Variants in ZMYM3 observed in about 807,000 individuals in gnomAD.
The protein encoded by ZMYM3 is zinc finger MYM-type containing 3.
In ZMYM3, 6 loss-of-function variants were observed where a neutral mutation model predicts 94.2. The ratio of observed to expected loss-of-function variants is 0.06; its 90% confidence interval spans 0.03 to 0.13. ZMYM3 has a LOEUF of 0.13. ZMYM3 is among the 10% of genes least tolerant of loss of function. ZMYM3 has a pLI of 1.00. For synonymous variants in ZMYM3, 420 were observed against 426.5 expected, an observed-to-expected ratio of 0.98 and a Z score of 0.19; for missense variants, 664 against 1,132.6, an observed-to-expected ratio of 0.59 and a Z score of 5.94.
chrX:71,252,621 C>G lies in ZMYM3; in HGVS notation c.635G>C (p.Gly212Ala), dbSNP rs752294993. 6 of 1,137,971 alleles carry G rather than the reference C, an allele frequency of 5.3e-6. No homozygotes were observed. In the South Asian group the frequency reaches 1.1e-4, roughly 21 times the overall value. 93.8% of individuals were successfully genotyped at this position (1,137,971 alleles called of 1,213,427 possible). ...GGAAGGATGTGCAGGGGGGCTAGAG[C>G]CCCCAGGTTTGGTCTGAGAACTGTT... ...GINSSQTKPG[G>A]SSPPAHPSLP... The change falls in exon 2 of 25, where the codon GGC becomes GCC. Residue 212 changes from glycine (G) to alanine (A), a missense_variant. Physicochemically the swap from Gly to Ala is moderately conservative, Grantham distance 60. This residue lies in a region of ZMYM3 where 196 missense variants were observed against 190.8 expected (regional missense o/e 1.03). Coordinates refer to ENST00000314425, the MANE Select transcript of ZMYM3 (RefSeq NM_201599.3).
chrX:71,241,342 T>G lies in ZMYM3; in HGVS notation c.3805A>C (p.Thr1269Pro), dbSNP rs1450549533. The G allele has an allele frequency of 3.4e-6, 4 of 1,185,717 alleles. No homozygotes were observed. Among genetic ancestry groups the G allele is most frequent in the Middle Eastern group, 2.3e-4 (1 of 4,261 alleles). Reference sequence around the variant, plus strand: ...TCTCTCTTCCGTTTTCCAGGACCCGTGTCTATAGGGGAGGGAAATGATTCA... The same window carrying G: ...TCTCTCTTCCGTTTTCCAGGACCCGGGTCTATAGGGGAGGGAAATGATTCA... ...APVRQRKGRD[T>P]GPGKRKREDE... Residue 1269 changes from threonine to proline, a missense_variant and splice_region_variant, in exon 24 of 25, where the codon ACG becomes CCG. Physicochemically the swap from Thr to Pro is conservative, Grantham distance 38. Coordinates refer to ENST00000314425, the MANE Select transcript of ZMYM3 (RefSeq NM_201599.3).
chrX:71,255,088 CT>C (rs2030694216), upstream of ZMYM3: 26 of 11,757 alleles, frequency 2.2e-3, no homozygotes, highest in African/African-American at 2.5e-3. Context: ...GGGCTGATCT[CT>C]CTCTCTCTCT....
Position 71,250,061 on chromosome X carries a change from C to A in ZMYM3, c.1216G>T (p.Ala406Ser). The A allele has an allele frequency of 8.4e-7, 1 of 1,195,303 alleles. No homozygotes were observed. Among genetic ancestry groups the A allele is most frequent in the Non-Finnish European group, 1.1e-6 (1 of 888,318 alleles). ...TTCTGGCATATGCTGCAGCGAGTAG[C>A]GTCGGCGGGATCCCCAGACTGGGGG... Reference protein sequence around the residue: ...PIPQSGDPADATRCSICQKTG... With the variant: ...PIPQSGDPADSTRCSICQKTG... The change falls in exon 6 of 25, where the codon GCT becomes TCT. Residue 406 changes from alanine to serine, a missense_variant. Around this residue, in one of 9 missense-constraint regions of ZMYM3, gnomAD observed 51 missense variants for 53.0 expected, o/e 0.96. Coordinates refer to ENST00000314425, the MANE Select transcript of ZMYM3 (RefSeq NM_201599.3).
intron 13 of ZMYM3, 68 bp from the exon 14 acceptor site, chrX:71,246,760 C>G (rs1239537434): frequency 9.7e-7 from 1 of 1,032,404 alleles, no homozygotes; most frequent in African/African-American, 1.9e-5. Flanking sequence ...ACCCCTGTTC[C>G]AGGAGAGCTT....
At position 71,250,737 on chromosome X, in the gene ZMYM3, G is replaced by A; in HGVS notation, c.779-11C>T. On this transcript the variant is annotated splice_polypyrimidine_tract_variant and intron_variant, in intron 4 of 24. Coordinates refer to ENST00000314425, the MANE Select transcript of ZMYM3 (RefSeq NM_201599.3). ...CATCTGACACTGGAACTGAGAAAGT[G>A]GGGGGATGGACATGAGAAAGGCCAC... The A allele has an allele frequency of 8.5e-7, 1 of 1,177,681 alleles. No individual in the cohort carries two copies.
At position 71,249,107 on chromosome X, in the gene ZMYM3, T is replaced by C. The variant is rs1323190353; in HGVS notation, c.1533A>G (p.Leu511=). The C allele has an allele frequency of 1.7e-6, 2 of 1,209,973 alleles. No individual in the cohort carries two copies. The highest frequency in any genetic ancestry group is 1.8e-5 in the African/African-American group (1 of 57,093). The change falls in exon 8 of 25, where the codon CTA becomes CTG. Residue 511 remains leucine (L), a synonymous_variant. Coordinates refer to ENST00000314425, the MANE Select transcript of ZMYM3 (RefSeq NM_201599.3). The stretch of plus-strand genomic sequence containing the variant: ...TCTTGCCATTACGATCCACATGTGA[T>C]AGCATCTCAAAGTTCTTACACAGGG... ...CKTLCKNFEM[L]SHVDRNGKTS...
At position 71,241,248 on chromosome X, in the gene ZMYM3, T is replaced by A. The variant is rs771733599; in HGVS notation, c.3899A>T (p.Tyr1300Phe). 4 of 1,203,417 alleles carry A rather than the reference T, an allele frequency of 3.3e-6. No homozygotes were observed. Among genetic ancestry groups the A allele is most frequent in the Non-Finnish European group, 4.5e-6 (4 of 890,001 alleles). Residue 1300 changes from tyrosine (Y) to phenylalanine (F), a missense_variant, in exon 24 of 25, where the codon TAT (tyrosine) becomes TTT (phenylalanine). Tyr to Phe is a conservative substitution (Grantham distance 22, BLOSUM62 3). Transcript: ENST00000314425. ...MNPLRCPVKF[Y>F]EFYLSKCPES... is the part of the protein sequence containing the mutation. ...TCACCATTTTGAGAGATAGAATTCATAGAACTTGACAGGGCAGCGGAGGGG... is the reference window on the plus strand; with the variant it reads ...TCACCATTTTGAGAGATAGAATTCAAAGAACTTGACAGGGCAGCGGAGGGG...
Position 71,240,636 on chromosome X carries a change from AG to A in ZMYM3, c.*279del. ...CCACCCAGAGTCTGGACCCAGAAGG[AG>A]GGGTTTACTCTGAAGCATAAAGAAA... On this transcript the variant is annotated 3_prime_UTR_variant, in exon 25 of 25. Coordinates refer to ENST00000314425, the MANE Select transcript of ZMYM3 (RefSeq NM_201599.3). 3.5e-6 allele frequency: 1 copy of A among 284,767 alleles called. No homozygotes were observed. Among genetic ancestry groups the A allele is most frequent in the East Asian group, 5.6e-5 (1 of 17,728 alleles). The allele number at this position is 284,767 out of a possible 1,213,427, so 23.5% of individuals were successfully genotyped here.
At position 71,252,480 on chromosome X, in the gene ZMYM3, A is replaced by G. The variant is rs1462233614; in HGVS notation, c.667+109T>C. On this transcript the variant is annotated intron_variant, in intron 2 of 24. Coordinates refer to ENST00000314425, the MANE Select transcript of ZMYM3 (RefSeq NM_201599.3). ...AGTCCTTCCCCACACACATCCCTACACTTATCTCTCCACCCTCCTCCTCCC... is the reference window on the plus strand; with the variant it reads ...AGTCCTTCCCCACACACATCCCTACGCTTATCTCTCCACCCTCCTCCTCCC... 20 of 853,252 alleles carry G rather than the reference A, an allele frequency of 2.3e-5. No homozygotes were observed. In the East Asian group the frequency reaches 6.7e-4, roughly 29 times the overall value. 70.3% of individuals were successfully genotyped at this position (853,252 alleles called of 1,213,427 possible).
Position 71,246,475 on chromosome X carries a change from G to GGGGGGGGGGT in ZMYM3, c.2449_2450insACCCCCCCCC (p.Thr817AsnfsTer23). 1 of 1,134,105 alleles carries GGGGGGGGGGT rather than the reference G, an allele frequency of 8.8e-7. No individual in the cohort carries two copies. 93.5% of individuals were successfully genotyped at this position (1,134,105 alleles called of 1,213,427 possible). A position where few individuals can be genotyped will look rare whatever the true frequency, so the allele number is the denominator to read the frequency against. On this transcript the variant is annotated frameshift_variant, in exon 15 of 25. Coordinates refer to ENST00000314425, the MANE Select transcript of ZMYM3 (RefSeq NM_201599.3). LOFTEE classifies it high-confidence loss of function. Reference sequence around the variant, plus strand: ...TGCTGGGGGTGGTGGGGGTGGAGGGGTGGGAGCAGTGGGAGCTGATCGGGT... The same window carrying GGGGGGGGGGT: ...TGCTGGGGGTGGTGGGGGTGGAGGGGGGGGGGGGGTTGGGAGCAGTGGGAGCTGATCGGGT...
chrX:71,244,921 C>A (rs1310475861), intron 18 of ZMYM3, 28 bp from the exon 19 acceptor site: 1 of 1,130,901 alleles, frequency 8.8e-7, no homozygotes, highest in Non-Finnish European at 1.2e-6. Flanking sequence ...AAGAAGAAAT[C>A]AATTTCTTAA....
Position 71,252,718 on chromosome X carries a change from G to T in ZMYM3, c.538C>A (p.Pro180Thr), listed in dbSNP as rs767061461. Residue 180 changes from proline to threonine, a missense_variant, in exon 2 of 25, where the codon CCC becomes ACC. By Grantham distance (38) the Pro-to-Thr change is conservative. Coordinates refer to ENST00000314425, the MANE Select transcript of ZMYM3 (RefSeq NM_201599.3). Reference protein sequence around the residue: ...RGSPGQEEELPQGQPQSPNAP... With the variant: ...RGSPGQEEELTQGQPQSPNAP... ...TTTGGGCTCTGTGGCTGCCCTTGGG[G>T]AAGCTCCTCCTCCTGCCCAGGGGAG... The T allele has an allele frequency of 8.3e-7, 1 of 1,206,176 alleles. No individual in the cohort carries two copies.
chrX:71,251,031 A>C (rs1164377598), intron 4 of ZMYM3, 147 bp downstream of exon 4: 7 of 605,159 alleles, frequency 1.2e-5, no homozygotes, highest in Non-Finnish European at 1.8e-5. Context: ...CCTGGTTCCC[A>C]TGCCAACCCA....
intron 19 of ZMYM3, 30 bp from the exon 20 acceptor site, chrX:71,244,500 C>T (rs761265834): frequency 1.7e-6 from 2 of 1,203,115 alleles, no homozygotes; most frequent in Non-Finnish European, 2.2e-6. Flanking sequence ...AGGGGCATGG[C>T]AGAGGTAAGG....
At chrX:71,255,085 TC>T (rs1239573283), upstream of ZMYM3, 31 of 4,222 alleles carry the variant, frequency 7.3e-3, no homozygotes, top group East Asian at 0.016. Flanking sequence ...CCAGGGCTGA[TC>T]TCTCTCTCTC....
intron 20 of ZMYM3, among the ~76,000 whole-genome samples, 154 bp downstream of exon 20, chrX:71,244,148 C>A (rs1305831015): frequency 9.0e-6 from 1 of 110,580 alleles, no homozygotes; most frequent in East Asian, 2.8e-4. Flanking sequence ...CTTTAATCTA[C>A]AACTCCTCCC....
rs1453361735 is a variant in ZMYM3 at position 71,254,012 on chromosome X, G to C, written c.-20+17C>G. ...CGCTTGCAGGTTCGGTTCGGCTTGA[G>C]CAGGCCCGACCCCTACCTGCGGCAG... On this transcript the variant is annotated intron_variant, in intron 1 of 24. Transcript: ENST00000314425. The C allele has an allele frequency of 9.2e-6, 1 of 109,007 alleles. No individual in the cohort carries two copies. The highest frequency in any genetic ancestry group is 1.9e-5 in the Non-Finnish European group (1 of 52,352). 9.0% of individuals were successfully genotyped at this position (109,007 alleles called of 1,213,427 possible).
chrX:71,251,169 C>T lies in ZMYM3; in HGVS notation c.778+9G>A, dbSNP rs752081849. On this transcript the variant is annotated intron_variant, in intron 4 of 24. Transcript: ENST00000314425. ...ACTCCCAGGTCACACTTCCTCAAAT[C>T]CTACTTACTGCTCTCAGTGGAATCT... 8.3e-7 allele frequency: 1 copy of T among 1,210,213 alleles called. No individual in the cohort carries two copies. Among genetic ancestry groups the T allele is most frequent in the Non-Finnish European group, 1.1e-6 (1 of 894,550 alleles).
chrX:71,246,726 A>G lies in ZMYM3; in HGVS notation c.2315-34T>C, dbSNP rs752351298. 85 of 1,158,742 alleles carry G rather than the reference A, an allele frequency of 7.3e-5. 1 individual carries two copies. In the South Asian group the frequency reaches 1.6e-3, roughly 21 times the overall value. ...CAAAACAAATGAATGCTCTCATCCA[A>G]GGGACTAGCTCTCCATTTTCCTTAC... On this transcript the variant is annotated intron_variant, in intron 13 of 24. Transcript: ENST00000314425.
Sources: gnomAD v4.1 joint callset for allele counts (sites outside exome capture counted in the v4.1 genomes callset) on GRCh38, gnomAD v4.1.1 for gene constraint, gnomAD v4.1.1 regional missense constraint, MANE v1.5 for transcripts, NCBI Gene and HGNC (gene_info 2026-07-23, HGNC 2026-07-21) for gene names.